AGPAT4: variants seen among roughly 807,000 people sequenced by gnomAD.
AGPAT4 encodes 1-acyl-sn-glycerol-3-phosphate acyltransferase delta.
AGPAT4 carries 15 observed loss-of-function variants against 48.0 expected under a neutral mutation model. The ratio of observed to expected loss-of-function variants is 0.31; its 90% CI spans 0.21 to 0.48. The LOEUF is 0.48. AGPAT4 is among the 20% of genes least tolerant of loss of function. The probability of loss-of-function intolerance (pLI) is 0.99; values close to 1 mark genes in which losing one functional copy is unlikely to be tolerated. For synonymous variants in AGPAT4, 178 were observed against 198.7 expected, an observed-to-expected ratio of 0.90 and a Z score of 0.88; for missense variants, 314 against 482.5, an observed-to-expected ratio of 0.65 and a Z score of 3.27.
intron 1 of AGPAT4, among the ~76,000 whole-genome samples, chr6:161,263,813 A>G (rs763411848): frequency 6.6e-6 from 1 of 152,178 alleles, no homozygotes; most frequent in Non-Finnish European, 1.5e-5. Context: ...CACATTTTGA[A>G]ACAATGGGAA....
In AGPAT4 at chr6:161,267,804, G is replaced by A. The variant is rs1783310063; in HGVS notation, c.-90+6134C>T. Among the ~76,000 whole-genome samples, 1 of 152,204 alleles carries A rather than the reference G, an allele frequency of 6.6e-6. No homozygotes were observed. The highest frequency in any genetic ancestry group is 2.4e-5 in the African/African-American group (1 of 41,456). ...CCAGCTACTTGGGAAGCTGAAGCGG[G>A]AGGATTGCTTGAGCCCAGGAATTCA... On this transcript the variant is annotated intron_variant, in intron 1 of 8. Transcript: ENST00000320285. The surrounding 1 kb of genome is among the most constrained non-coding windows in gnomAD (Gnocchi z 5.2).
rs1305409239 is a variant in AGPAT4 at position 161,232,106 on chromosome 6, G to A, written c.108C>T (p.Leu36=). The part of the protein sequence containing the change: ...LIINTIQLFT[L]LLWPINKQLF... ...GCTGCTTGTTAATGGGCCAGAGGAG[G>A]AGAGTGAAGAGCTGAATGGTGTTGA... Residue 36 remains leucine (L), a synonymous_variant, in exon 2 of 9, where the codon CTC becomes CTT. Coordinates refer to ENST00000320285, the MANE Select transcript of AGPAT4 (RefSeq NM_020133.3). This position sits in a 1 kb window ranked among gnomAD's most constrained non-coding sequence, Gnocchi z 6.8. 1 of 1,614,010 alleles carries A rather than the reference G, an allele frequency of 6.2e-7. No homozygotes were observed. Among genetic ancestry groups the A allele is most frequent in the Non-Finnish European group, 8.5e-7 (1 of 1,180,020 alleles).
chr6:161,140,025 G>A lies in AGPAT4; in HGVS notation c.844-405C>T, dbSNP rs1583273593. ...GGGAGAATGGAGTGGATGCTGCGCC[G>A]AAGCTGCCCGCAGGGGACACTCGGT... On this transcript the variant is annotated intron_variant, in intron 7 of 8. Coordinates refer to ENST00000320285, the MANE Select transcript of AGPAT4 (RefSeq NM_020133.3). The surrounding 1 kb of genome is among the most constrained non-coding windows in gnomAD (Gnocchi z 6.5). Among the ~76,000 whole-genome samples the A allele has an allele frequency of 2.6e-5, 4 of 152,354 alleles. No individual in the cohort carries two copies. Among genetic ancestry groups the A allele is most frequent in the East Asian group, 1.9e-4 (1 of 5,172 alleles).
At position 161,246,587 on chromosome 6, in the gene AGPAT4, T is replaced by G. The variant is rs1398656382; in HGVS notation, c.-89-14285A>C. Among the ~76,000 whole-genome samples, 1 of 152,240 alleles carries G rather than the reference T, an allele frequency of 6.6e-6. No homozygotes were observed. Among genetic ancestry groups the G allele is most frequent in the Non-Finnish European group, 1.5e-5 (1 of 68,012 alleles). On this transcript the variant is annotated intron_variant, in intron 1 of 8. Coordinates refer to ENST00000320285, the MANE Select transcript of AGPAT4 (RefSeq NM_020133.3). The surrounding 1 kb of genome is among the most constrained non-coding windows in gnomAD (Gnocchi z 5.5). ...ACCACGCCCAGCTAATTTTGTATTTTTAGTCTAGATGGGGTTTCTCCATGT... is the reference window on the plus strand; with the variant it reads ...ACCACGCCCAGCTAATTTTGTATTTGTAGTCTAGATGGGGTTTCTCCATGT...
chr6:161,213,394 C>T (rs1318516885), intron 2 of AGPAT4, among the ~76,000 whole-genome samples: 1 of 152,178 alleles, frequency 6.6e-6, no homozygotes, highest in Non-Finnish European at 1.5e-5. Flanking sequence ...AACTATAGTA[C>T]ACCTGTTGTT....
chr6:161,244,755 C>A lies in AGPAT4; in HGVS notation c.-89-12453G>T, dbSNP rs1782604127. 1.3e-5 allele frequency among the ~76,000 whole-genome samples: 2 copies of A among 152,320 alleles called. No individual in the cohort carries two copies. The highest frequency in any genetic ancestry group is 3.9e-4 in the East Asian group (2 of 5,178). On this transcript the variant is annotated intron_variant, in intron 1 of 8. Transcript: ENST00000320285. This position sits in a 1 kb window ranked among gnomAD's most constrained non-coding sequence, Gnocchi z 4.7. Reference sequence around the variant, plus strand: ...GTCTGGCCTAGCCCACCTACTCTGCCTGGGTCAACTGATCCAGTAAGAGTG... The same window carrying A: ...GTCTGGCCTAGCCCACCTACTCTGCATGGGTCAACTGATCCAGTAAGAGTG...
rs907193750 is a variant in AGPAT4 at position 161,138,373 on chromosome 6, G to A, written c.1042+1049C>T. Reference sequence around the variant, plus strand: ...CAGCATTGGTTGGCTCAGTCAGAATGAATGAGCTAGGTTTATGTGCTGTGA... The same window carrying A: ...CAGCATTGGTTGGCTCAGTCAGAATAAATGAGCTAGGTTTATGTGCTGTGA... On this transcript the variant is annotated intron_variant, in intron 8 of 8. Coordinates refer to ENST00000320285, the MANE Select transcript of AGPAT4 (RefSeq NM_020133.3). The surrounding 1 kb of genome is among the most constrained non-coding windows in gnomAD (Gnocchi z 4.8). Among the ~76,000 whole-genome samples the A allele has an allele frequency of 1.3e-5, 2 of 152,216 alleles. No individual in the cohort carries two copies. Among genetic ancestry groups the A allele is most frequent in the Non-Finnish European group, 2.9e-5 (2 of 68,038 alleles).
At chr6:161,257,812 T>C (rs957387542) in intron 1 of AGPAT4, among the ~76,000 whole-genome samples, 5 of 152,234 alleles carry the variant, frequency 3.3e-5, no homozygotes, top group African/African-American at 1.2e-4. Context: ...AAGCTTATTC[T>C]GTTGTTCCAT....
rs1391764777 is a variant in AGPAT4 at position 161,169,094 on chromosome 6, G to A, written c.179-2677C>T. On this transcript the variant is annotated intron_variant, in intron 2 of 8. Transcript: ENST00000320285. The surrounding 1 kb of genome is among the most constrained non-coding windows in gnomAD (Gnocchi z 5.0). The stretch of plus-strand genomic sequence containing the variant: ...TGTGACCACTGAAGGGGAGAGGAAG[G>A]GTGGGGAGGAGACAGAGGCAGATGG... Among the ~76,000 whole-genome samples the A allele has an allele frequency of 2.0e-5, 3 of 152,134 alleles. No individual in the cohort carries two copies. Among genetic ancestry groups the A allele is most frequent in the Admixed American group, 6.5e-5 (1 of 15,274 alleles).
In AGPAT4 at chr6:161,267,072, G is replaced by C. The variant is rs539347989; in HGVS notation, c.-90+6866C>G. Among the ~76,000 whole-genome samples the C allele has an allele frequency of 5.0e-4, 76 of 152,216 alleles. No individual in the cohort carries two copies. The highest frequency in any genetic ancestry group is 2.9e-4 in the Non-Finnish European group (20 of 68,042). On this transcript the variant is annotated intron_variant, in intron 1 of 8. Transcript: ENST00000320285. This position sits in a 1 kb window ranked among gnomAD's most constrained non-coding sequence, Gnocchi z 5.2. ...CCACCCACCGCCTTGGGAACTCTGAGAGCAGCCACCACAGGTGTCCTTGAG... is the reference window on the plus strand; with the variant it reads ...CCACCCACCGCCTTGGGAACTCTGACAGCAGCCACCACAGGTGTCCTTGAG...
rs1781068824 is a variant in AGPAT4 at position 161,196,541 on chromosome 6, T to G, written c.179-30124A>C. Among the ~76,000 whole-genome samples the G allele has an allele frequency of 6.6e-6, 1 of 151,980 alleles. No homozygotes were observed. The highest frequency in any genetic ancestry group is 2.4e-5 in the African/African-American group (1 of 41,372). ...CAAGGAGAGGGTCACGCGTGGTGAC[T>G]CAATGCCTGTAATCCCAGCATTTTG... On this transcript the variant is annotated intron_variant, in intron 2 of 8. Transcript: ENST00000320285. The surrounding 1 kb of genome is among the most constrained non-coding windows in gnomAD (Gnocchi z 4.3).
In AGPAT4 at chr6:161,150,322, G is replaced by A. The variant is rs868753788; in HGVS notation, c.665-1033C>T. 1.2e-4 allele frequency among the ~76,000 whole-genome samples: 19 copies of A among 152,330 alleles called. No individual in the cohort carries two copies. In the South Asian group the frequency reaches 1.9e-3, roughly 15 times the overall value. On this transcript the variant is annotated intron_variant, in intron 5 of 8. Coordinates refer to ENST00000320285, the MANE Select transcript of AGPAT4 (RefSeq NM_020133.3). ...ATCTTCTCTTGGGCAGCTGGGGCTA[G>A]GTCTTCTCCTGGAGAAGGGAGCCTC...
In AGPAT4 at chr6:161,144,591, G is replaced by T. The variant is rs1779357801; in HGVS notation, c.843+1933C>A. Among the ~76,000 whole-genome samples the T allele has an allele frequency of 6.6e-6, 1 of 152,086 alleles. No individual in the cohort carries two copies. The highest frequency in any genetic ancestry group is 2.1e-4 in the South Asian group (1 of 4,818). ...ATCTCCTTTGCCTTGATGGGCTTGA[G>T]GGCCCACGTTTATTGTAGATTTGTT... is the stretch of plus-strand genomic sequence containing the variant. On this transcript the variant is annotated intron_variant, in intron 7 of 8. Coordinates refer to ENST00000320285, the MANE Select transcript of AGPAT4 (RefSeq NM_020133.3). The surrounding 1 kb of genome is among the most constrained non-coding windows in gnomAD (Gnocchi z 6.6).
intron 3 of AGPAT4, among the ~76,000 whole-genome samples, chr6:161,157,616 G>T (rs1779799829): frequency 6.6e-6 from 1 of 152,206 alleles, no homozygotes; most frequent in African/African-American, 2.4e-5. Context: ...AAAGGGAAAA[G>T]AAGAGACATA....
rs1779070764 is a variant in AGPAT4 at position 161,136,515 on chromosome 6, C to T, written c.*25G>A. 6.2e-7 allele frequency: 1 copy of T among 1,608,874 alleles called. No individual in the cohort carries two copies. Among genetic ancestry groups the T allele is most frequent in the Non-Finnish European group, 8.5e-7 (1 of 1,175,482 alleles). Reference sequence around the variant, plus strand: ...GAGGCCACCAGTTCCCCAAGGTTCCCTTCGGATGGTGACACCTCCCTGAGT... The same window carrying T: ...GAGGCCACCAGTTCCCCAAGGTTCCTTTCGGATGGTGACACCTCCCTGAGT... On this transcript the variant is annotated 3_prime_UTR_variant, in exon 9 of 9. Transcript: ENST00000320285.
chr6:161,156,924 C>T (rs367566555), intron 3 of AGPAT4, among the ~76,000 whole-genome samples: 1 of 152,236 alleles, frequency 6.6e-6, no homozygotes, highest in African/African-American at 2.4e-5. Context: ...CCCATCCCTT[C>T]GTTTCCCATA....
In AGPAT4 at chr6:161,154,466, G is replaced by A. The variant is rs796152790; in HGVS notation, c.349-156C>T. 3.3e-5 allele frequency among the ~76,000 whole-genome samples: 5 copies of A among 152,182 alleles called. No homozygotes were observed. The South Asian group carries it at 1.0e-3, about 31-fold the overall frequency. On this transcript the variant is annotated intron_variant, in intron 3 of 8. Coordinates refer to ENST00000320285, the MANE Select transcript of AGPAT4 (RefSeq NM_020133.3). The surrounding 1 kb of genome is among the most constrained non-coding windows in gnomAD (Gnocchi z 7.8). ...CATGCTGTCGAGGCCATGGACCCTG[G>A]TGCCCTCCCCACCTTTCAGCTAGAG... is the stretch of plus-strand genomic sequence containing the variant.
rs1780699650 is a variant in AGPAT4, at chr6:161,184,260, A to C, written c.179-17843T>G. Among the ~76,000 whole-genome samples the C allele has an allele frequency of 6.6e-6, 1 of 151,990 alleles. No homozygotes were observed. The highest frequency in any genetic ancestry group is 2.1e-4 in the South Asian group (1 of 4,816). ...GTGGGCATAGTGGAAATGGTGAGAA[A>C]TGATCATATTTAGGATGATATATGC... On this transcript the variant is annotated intron_variant, in intron 2 of 8. Coordinates refer to ENST00000320285, the MANE Select transcript of AGPAT4 (RefSeq NM_020133.3). The surrounding 1 kb of genome is among the most constrained non-coding windows in gnomAD (Gnocchi z 4.8).
At chr6:161,191,161 A>C (rs1157982605) in intron 2 of AGPAT4, among the ~76,000 whole-genome samples, 1 of 152,218 alleles carries the variant, frequency 6.6e-6, no homozygotes, top group Non-Finnish European at 1.5e-5. Flanking sequence ...AACATTATCT[A>C]TGTAACAACG....
Sources: allele counts gnomAD v4.1 joint callset (sites outside exome capture counted in the v4.1 genomes callset), GRCh38; gene constraint gnomAD v4.1.1; non-coding constraint Gnocchi (gnomAD v3.1); transcripts MANE v1.5; gene names NCBI Gene and HGNC (gene_info 2026-07-23, HGNC 2026-07-21).